Variants in PDS5B observed in about 807,000 individuals in gnomAD.
PDS5B encodes sister chromatid cohesion protein PDS5 homolog B.
In PDS5B, 51 loss-of-function variants were observed where a neutral mutation model predicts 184.1. That is an observed-to-expected ratio of 0.28 (90% confidence interval 0.22 to 0.35). The LOEUF (loss-of-function observed/expected upper bound fraction) is 0.35, where lower values mean the gene tolerates loss of function less well. Among genes scored for constraint, PDS5B ranks in the 10% least tolerant of loss-of-function variants. The pLI, the probability that PDS5B is intolerant of heterozygous loss-of-function variation, is 1.00. For missense variants in PDS5B, 1,180 were observed against 1,723.3 expected, an observed-to-expected ratio of 0.68 and a Z score of 5.58; for synonymous variants, 566 against 569.2, an observed-to-expected ratio of 0.99 and a Z score of 0.08.
intron 18 of PDS5B, 119 bp from the exon 19 acceptor site, chr13:32,709,827 G>T: frequency 2.1e-6 from 1 of 467,994 alleles, no homozygotes; most frequent in Non-Finnish European, 3.5e-6. Context: ...CTCAGATTTT[G>T]GTCAACATAA....
chr13:32,677,988 A>G (rs1951117533), intron 9 of PDS5B, among the ~76,000 whole-genome samples: 3 of 152,238 alleles, frequency 2.0e-5, no homozygotes, highest in Middle Eastern at 3.4e-3. Flanking sequence ...ACACAGTGCC[A>G]TCTATGGTAT....
chr13:32,597,942 G>C (rs7321262), intron 1 of PDS5B, among the ~76,000 whole-genome samples: 51,837 of 151,542 alleles, frequency 0.34, 9,152 homozygotes, highest in Non-Finnish European at 0.38. Context: ...TGGTCTTGTT[G>C]TGATCTTAAG....
At position 32,755,897 on chromosome 13, in the gene PDS5B, G is replaced by T. The variant is rs1954160607; in HGVS notation, c.2997G>T (p.Leu999Phe). 6.3e-7 allele frequency: 1 copy of T among 1,583,958 alleles called. No homozygotes were observed. Reference sequence around the variant, plus strand: ...TTGTTCCATATACAATTCACCTTTTGGCACATGACCCAGATTATGTCAAAG... The same window carrying T: ...TTGTTCCATATACAATTCACCTTTTTGCACATGACCCAGATTATGTCAAAG... ...EYVVPYTIHL[L>F]AHDPDYVKVQ... The change falls in exon 26 of 35, where the codon TTG (leucine) becomes TTT (phenylalanine). Residue 999 changes from leucine to phenylalanine, a missense_variant. Leu to Phe is a conservative substitution (Grantham distance 22, BLOSUM62 0). This residue lies in a region of PDS5B where 57 missense variants were observed against 80.9 expected (regional missense o/e 0.70). Coordinates refer to ENST00000315596, the MANE Select transcript of PDS5B (RefSeq NM_015032.4).
intron 31 of PDS5B, among the ~76,000 whole-genome samples, chr13:32,769,865 T>G (rs1241183510): frequency 2.0e-5 from 3 of 152,322 alleles, no homozygotes; most frequent in Middle Eastern, 3.4e-3. Flanking sequence ...AGTAAGATAC[T>G]GATCTTGAGA....
rs180732140 is a variant in PDS5B, at chr13:32,590,002, T to G, written c.-20+3409T>G. Among the ~76,000 whole-genome samples the G allele has an allele frequency of 1.1e-3, 165 of 152,312 alleles. 1 individual carries two copies. Among genetic ancestry groups the G allele is most frequent in the Admixed American group, 3.5e-3 (53 of 15,302 alleles). ...GAGACTGTAATTGTTTTAGCTGGCA[T>G]GAGTGATCGTGCACAGTGAAAAAAT... On this transcript the variant is annotated intron_variant, in intron 1 of 34. Transcript: ENST00000315596.
intron 19 of PDS5B, among the ~76,000 whole-genome samples, chr13:32,714,061 C>G (rs1029627326): frequency 2.0e-5 from 3 of 152,142 alleles, no homozygotes; most frequent in African/African-American, 7.2e-5. Flanking sequence ...GCCACAAAAA[C>G]CAGCAAGTTT....
chr13:32,633,559 C>T (rs1208002063), intron 1 of PDS5B, among the ~76,000 whole-genome samples: 1 of 152,160 alleles, frequency 6.6e-6, no homozygotes, highest in East Asian at 1.9e-4. Context: ...AATCCGTATG[C>T]AGTCCCTCAA....
chr13:32,763,100 A>G (rs1175701179), intron 30 of PDS5B, among the ~76,000 whole-genome samples: 1 of 151,900 alleles, frequency 6.6e-6, no homozygotes, highest in Non-Finnish European at 1.5e-5. Flanking sequence ...TTTGCAGGGG[A>G]ATGAAGTAGG....
chr13:32,665,668 A>G (rs185295644), intron 6 of PDS5B, among the ~76,000 whole-genome samples: 97 of 151,652 alleles, frequency 6.4e-4, no homozygotes, highest in Admixed American at 2.6e-3. Flanking sequence ...TAAGAAAGCT[A>G]TAGAGAGCAA....
rs529560471 is a variant in PDS5B at position 32,696,450 on chromosome 13, A to T, written c.1552-404A>T. Reference sequence around the variant, plus strand: ...CTTTTTTACGTGTCAGTCACATCTTAATTGTCTTTCTCCAGTGTCTTCCCC... The same window carrying T: ...CTTTTTTACGTGTCAGTCACATCTTTATTGTCTTTCTCCAGTGTCTTCCCC... On this transcript the variant is annotated intron_variant, in intron 14 of 34. Transcript: ENST00000315596. Among the ~76,000 whole-genome samples, 35 of 152,050 alleles carry T rather than the reference A, an allele frequency of 2.3e-4. No homozygotes were observed. In the South Asian group the frequency reaches 7.3e-3, roughly 32 times the overall value.
intron 15 of PDS5B, among the ~76,000 whole-genome samples, chr13:32,697,253 T>C (rs984982158): frequency 2.0e-5 from 3 of 152,212 alleles, no homozygotes; most frequent in East Asian, 1.9e-4. Context: ...TTTTTTGCTT[T>C]AGGTGATGTT....
intron 13 of PDS5B, 179 bp downstream of exon 13, chr13:32,688,748 C>G (rs919806217): frequency 4.4e-5 from 23 of 525,328 alleles, no homozygotes; most frequent in African/African-American, 3.2e-4. Flanking sequence ...AAACATGAGA[C>G]TAAGCCATTA....
intron 14 of PDS5B, 40 bp downstream of exon 14, chr13:32,694,344 A>G: frequency 2.6e-6 from 3 of 1,168,138 alleles, no homozygotes; most frequent in South Asian, 1.3e-5. Flanking sequence ...TTTAAAACAC[A>G]TGTATTTTAA....
chr13:32,688,227 G>A (rs2140827760), intron 12 of PDS5B, among the ~76,000 whole-genome samples: 1 of 151,640 alleles, frequency 6.6e-6, no homozygotes, highest in African/African-American at 2.4e-5. Context: ...ACATCCTGAA[G>A]ATGGTAGTTG....
intron 1 of PDS5B, among the ~76,000 whole-genome samples, chr13:32,633,217 A>G (rs2058485472): frequency 6.6e-6 from 1 of 152,198 alleles, no homozygotes; most frequent in South Asian, 2.1e-4. Flanking sequence ...TTGGGTGATG[A>G]AAAAGTTTTG....
At chr13:32,588,221 C>G (rs919375577) in intron 1 of PDS5B, among the ~76,000 whole-genome samples, 2 of 152,170 alleles carry the variant, frequency 1.3e-5, no homozygotes, top group Non-Finnish European at 2.9e-5. Context: ...AATCTTGTAT[C>G]TCATGGTGAT....
In PDS5B at chr13:32,648,887, A is replaced by G. The variant is rs1950293237; in HGVS notation, c.108+7A>G. On this transcript the variant is annotated splice_region_variant and intron_variant, in intron 2 of 34. Coordinates refer to ENST00000315596, the MANE Select transcript of PDS5B (RefSeq NM_015032.4). ...GATGGTGAGACGATTAAAGGTGAGT[A>G]AAATTCTATTCTTTTTTACATCTGT... The G allele has an allele frequency of 8.4e-7, 1 of 1,189,846 alleles. No individual in the cohort carries two copies. Among genetic ancestry groups the G allele is most frequent in the South Asian group, 1.2e-5 (1 of 82,558 alleles). 73.7% of individuals were successfully genotyped at this position (1,189,846 alleles called of 1,614,324 possible).
At chr13:32,683,044 G>T (rs995107862) in intron 10 of PDS5B, among the ~76,000 whole-genome samples, 2 of 150,770 alleles carry the variant, frequency 1.3e-5, no homozygotes, top group Non-Finnish European at 2.9e-5. Flanking sequence ...AGGCAGTCTC[G>T]CCCTGTCACC....
At chr13:32,686,638 A>G (rs1486676911) in intron 11 of PDS5B, among the ~76,000 whole-genome samples, 1 of 152,156 alleles carries the variant, frequency 6.6e-6, no homozygotes, top group Non-Finnish European at 1.5e-5. Flanking sequence ...ATAAAAAATT[A>G]GCTAGGTGTG....
Sources: allele counts gnomAD v4.1 joint callset (sites outside exome capture counted in the v4.1 genomes callset), GRCh38; gene constraint gnomAD v4.1.1; regional missense constraint gnomAD v4.1.1; transcripts MANE v1.5; gene names NCBI Gene and HGNC (gene_info 2026-07-23, HGNC 2026-07-21).